EBF1: variants seen among roughly 807,000 people sequenced by gnomAD.
EBF1 encodes EBF transcription factor 1.
EBF1 carries 10 observed loss-of-function variants against 68.4 expected under a neutral mutation model. That is an observed-to-expected ratio of 0.15 (90% CI 0.09 to 0.25). The LOEUF is 0.25. Ranked by LOEUF, EBF1 falls within the 10% of genes least tolerant of loss-of-function variation. The pLI, the probability that EBF1 is intolerant of heterozygous loss-of-function variation, is 1.00. For missense variants in EBF1, 509 were observed against 794.4 expected (o/e 0.64, Z 4.32); for synonymous variants, 298 against 299.8 (o/e 0.99, Z 0.06).
At chr5:159,045,347 G>C (rs990205983) in intron 6 of EBF1, among the ~76,000 whole-genome samples, 2 of 151,652 alleles carry the variant, frequency 1.3e-5, no homozygotes, top group African/African-American at 4.8e-5. Flanking sequence ...GTTATACACA[G>C]TTCCTCCCTC....
intron 6 of EBF1, among the ~76,000 whole-genome samples, chr5:158,911,031 G>A (rs1015421282): frequency 1.3e-5 from 2 of 152,024 alleles, no homozygotes; most frequent in African/African-American, 2.4e-5. Flanking sequence ...GGAGAGTACC[G>A]AGAGCCCAGC....
chr5:158,962,930 C>G (rs1753315713), intron 6 of EBF1, among the ~76,000 whole-genome samples: 1 of 152,176 alleles, frequency 6.6e-6, no homozygotes, highest in Admixed American at 6.5e-5. Context: ...CTAGCCCAAC[C>G]TCCTGTACCT....
intron 6 of EBF1, among the ~76,000 whole-genome samples, chr5:159,003,172 G>A (rs768824452): frequency 6.6e-5 from 10 of 152,100 alleles, no homozygotes; most frequent in Non-Finnish European, 1.5e-4. Flanking sequence ...TTGGCTCTTT[G>A]CTAACTCTGT....
At chr5:158,800,492 T>A (rs1012045680) in intron 8 of EBF1, among the ~76,000 whole-genome samples, 8 of 152,200 alleles carry the variant, frequency 5.3e-5, no homozygotes, top group African/African-American at 1.9e-4. Context: ...TAAGGTACTA[T>A]GTAATAATAA....
intron 6 of EBF1, among the ~76,000 whole-genome samples, chr5:159,045,145 C>T (rs756128389): frequency 8.6e-5 from 13 of 151,694 alleles, no homozygotes; most frequent in South Asian, 2.1e-4. Context: ...ATTTAACTTC[C>T]GAAAAGCCAA....
At chr5:158,851,946 A>G (rs1462973493) in intron 6 of EBF1, among the ~76,000 whole-genome samples, 1 of 12,536 alleles carries the variant, frequency 8.0e-5, no homozygotes, top group African/African-American at 3.8e-4. Flanking sequence ...GGGCAGGGGA[A>G]GGGGAGGGGA....
chr5:158,982,796 A>ATT (rs59479371), intron 6 of EBF1, among the ~76,000 whole-genome samples: 37,589 of 149,718 alleles, frequency 0.25, 5,130 homozygotes, highest in South Asian at 0.51. Flanking sequence ...ATATATATAT[A>ATT]GTGGTCTAAA....
chr5:158,785,657 G>A (rs905720192), intron 9 of EBF1, among the ~76,000 whole-genome samples: 6 of 152,130 alleles, frequency 3.9e-5, no homozygotes, highest in Non-Finnish European at 8.8e-5. Flanking sequence ...ACTTTAAACC[G>A]ATGTTTACCA....
intron 6 of EBF1, among the ~76,000 whole-genome samples, chr5:158,915,730 C>A (rs1256564907): frequency 2.0e-5 from 3 of 152,108 alleles, no homozygotes; most frequent in African/African-American, 4.8e-5. Flanking sequence ...AGAATTCTGG[C>A]ACTCTTGGTT....
intron 7 of EBF1, among the ~76,000 whole-genome samples, chr5:158,832,223 A>G (rs930376121): frequency 2.6e-5 from 4 of 152,222 alleles, no homozygotes; most frequent in Non-Finnish European, 5.9e-5. Context: ...TAATGTAGAA[A>G]TACATGTTCT....
intron 4 of EBF1, among the ~76,000 whole-genome samples, chr5:159,093,675 T>A (rs2128000743): frequency 6.6e-6 from 1 of 152,218 alleles, no homozygotes; most frequent in Non-Finnish European, 1.5e-5. Context: ...CATTTTTATA[T>A]GAGTATAAGG....
intron 11 of EBF1, among the ~76,000 whole-genome samples, chr5:158,729,911 G>T (rs1430772497): frequency 6.6e-6 from 1 of 152,188 alleles, no homozygotes; most frequent in Non-Finnish European, 1.5e-5. Context: ...GGCCTGAGGG[G>T]TGGATTTCTC....
chr5:158,792,262 A>T (rs1453881503), intron 9 of EBF1, among the ~76,000 whole-genome samples: 1 of 152,226 alleles, frequency 6.6e-6, no homozygotes, highest in Non-Finnish European at 1.5e-5. Flanking sequence ...CGCAAGAAAC[A>T]ATAAAGAAAG....
intron 11 of EBF1, among the ~76,000 whole-genome samples, chr5:158,716,410 T>C (rs958978663): frequency 3.3e-5 from 5 of 152,200 alleles, no homozygotes; most frequent in African/African-American, 1.2e-4. Flanking sequence ...GTTTTCCCAT[T>C]GAGTACATTG....
intron 7 of EBF1, among the ~76,000 whole-genome samples, chr5:158,825,519 C>G (rs1355034922): frequency 6.6e-6 from 1 of 151,616 alleles, no homozygotes; most frequent in East Asian, 1.9e-4. Flanking sequence ...GACAATTCAC[C>G]ATGCACCTGT....
chr5:159,092,223 C>T (rs1465997615), intron 4 of EBF1, among the ~76,000 whole-genome samples: 1 of 152,208 alleles, frequency 6.6e-6, no homozygotes, highest in Non-Finnish European at 1.5e-5. Context: ...ACAGGGCATT[C>T]TGCATGCTCA....
chr5:159,028,647 C>T (rs551609268), intron 6 of EBF1, among the ~76,000 whole-genome samples: 47 of 152,170 alleles, frequency 3.1e-4, no homozygotes, highest in Admixed American at 5.2e-4. Context: ...CAGCTGTATC[C>T]CCTGCACCAA....
intron 6 of EBF1, among the ~76,000 whole-genome samples, chr5:158,948,150 G>A (rs961047464): frequency 6.6e-6 from 1 of 152,172 alleles, no homozygotes; most frequent in South Asian, 2.1e-4. Context: ...GTACGGGTGG[G>A]TGTGTCAAAA....
intron 6 of EBF1, among the ~76,000 whole-genome samples, chr5:158,969,860 GAAAGA>G (rs1755064049): frequency 1.8e-5 from 1 of 55,722 alleles, no homozygotes. Context: ...AAGAAAGAAA[GAAAGA>G]AAGAAAGAAA....
Sources: gnomAD v4.1 joint callset for allele counts (sites outside exome capture counted in the v4.1 genomes callset) on GRCh38, gnomAD v4.1.1 for gene constraint, MANE v1.5 for transcripts, NCBI Gene and HGNC (gene_info 2026-07-23, HGNC 2026-07-21) for gene names.